Variants in MBNL1 observed in about 807,000 individuals in gnomAD.
MBNL1 encodes the protein muscleblind like splicing regulator 1, also known as muscleblind-like protein 1.
MBNL1 carries 8 observed loss-of-function variants against 42.2 expected under a neutral mutation model. The ratio of observed to expected loss-of-function variants is 0.19; its 90% confidence interval spans 0.11 to 0.34. The LOEUF (loss-of-function observed/expected upper bound fraction) is 0.34. Ranked by LOEUF, MBNL1 falls within the 10% of genes least tolerant of loss-of-function variation. MBNL1 has a pLI of 1.00. For synonymous variants in MBNL1, 169 were observed against 173.9 expected, an observed-to-expected ratio of 0.97 and a Z score of 0.22; for missense variants, 309 against 495.3, an observed-to-expected ratio of 0.62 and a Z score of 3.57.
chr3:152,286,124 T>A (rs2051567019), intron 1 of MBNL1, among the ~76,000 whole-genome samples: 1 of 150,614 alleles, frequency 6.6e-6, no homozygotes, highest in Non-Finnish European at 1.5e-5. Flanking sequence ...TTTTCCCCCA[T>A]TAACTTTAAC....
intron 1 of MBNL1, among the ~76,000 whole-genome samples, chr3:152,288,777 T>A (rs2054129244): frequency 6.6e-6 from 1 of 152,192 alleles, no homozygotes; most frequent in South Asian, 2.1e-4. Flanking sequence ...TTGTAAATAA[T>A]TACAAAATGC....
intron 2 of MBNL1, 27 bp downstream of exon 2, chr3:152,300,394 G>A (rs1444420287): frequency 1.3e-6 from 2 of 1,568,000 alleles, no homozygotes; most frequent in Non-Finnish European, 1.8e-6. Context: ...TTCTTTTAAG[G>A]ATATTCAATG....
chr3:152,433,960 A>G (rs2099044097), intron 4 of MBNL1, among the ~76,000 whole-genome samples: 1 of 152,202 alleles, frequency 6.6e-6, no homozygotes, highest in South Asian at 2.1e-4. Context: ...TCAAATGTAC[A>G]CTGAAGGTAC....
chr3:152,271,659 C>T (rs1000041164), intron 1 of MBNL1, among the ~76,000 whole-genome samples: 1 of 152,002 alleles, frequency 6.6e-6, no homozygotes, highest in Non-Finnish European at 1.5e-5. Flanking sequence ...ATATGAGAGT[C>T]AAAAGAGTGG....
At chr3:152,440,586 A>T (rs547260814) in intron 4 of MBNL1, among the ~76,000 whole-genome samples, 4 of 152,306 alleles carry the variant, frequency 2.6e-5, no homozygotes, top group Non-Finnish European at 4.4e-5. Context: ...GGAATTCAAG[A>T]TGAGGTTTGG....
intron 2 of MBNL1, among the ~76,000 whole-genome samples, chr3:152,312,968 A>C (rs2067801970): frequency 6.6e-6 from 1 of 152,226 alleles, no homozygotes; most frequent in Non-Finnish European, 1.5e-5. Flanking sequence ...AATTTTCATC[A>C]AACTAGGATC....
chr3:152,287,272 A>G (rs980829160), intron 1 of MBNL1, among the ~76,000 whole-genome samples: 5 of 152,170 alleles, frequency 3.3e-5, no homozygotes, highest in Admixed American at 6.5e-5. Context: ...GTGCAGTGGC[A>G]TGCATGATTT....
intron 2 of MBNL1, among the ~76,000 whole-genome samples, chr3:152,256,929 T>C (rs1249839857): frequency 6.6e-6 from 1 of 152,020 alleles, no homozygotes; most frequent in Non-Finnish European, 1.5e-5. Flanking sequence ...CCCAAGGCAG[T>C]TGGATGTGTT....
chr3:152,414,321 C>T (rs2098658261), intron 2 of MBNL1, among the ~76,000 whole-genome samples: 1 of 152,200 alleles, frequency 6.6e-6, no homozygotes, highest in Non-Finnish European at 1.5e-5. Flanking sequence ...TTAAAGGCCA[C>T]ATTTTTCACC....
At chr3:152,258,869 C>A (rs1264199072) in intron 2 of MBNL1, among the ~76,000 whole-genome samples, 1 of 152,162 alleles carries the variant, frequency 6.6e-6, no homozygotes, top group East Asian at 1.9e-4. Context: ...CCAAACATTC[C>A]CTTTCCCACA....
chr3:152,361,964 G>T lies in MBNL1; in HGVS notation c.175-52977G>T, dbSNP rs532660608. 9.8e-5 allele frequency among the ~76,000 whole-genome samples: 15 copies of T among 152,286 alleles called. No homozygotes were observed. The South Asian group carries it at 3.1e-3, about 32-fold the overall frequency. ...TTTAAAAATGTGTTGCTCTCAGCAAGGAGTTAGTAGTTTCTGCAGCTAATA... is the reference window on the plus strand; with the variant it reads ...TTTAAAAATGTGTTGCTCTCAGCAATGAGTTAGTAGTTTCTGCAGCTAATA... On this transcript the variant is annotated intron_variant, in intron 2 of 9. Coordinates refer to ENST00000324210, the MANE Select transcript of MBNL1 (RefSeq NM_021038.5).
At chr3:152,436,254 C>T (rs1383323739) in intron 4 of MBNL1, among the ~76,000 whole-genome samples, 1 of 152,104 alleles carries the variant, frequency 6.6e-6, no homozygotes, top group African/African-American at 2.4e-5. Flanking sequence ...ACACATGCAT[C>T]GCAGGTTTAA....
At chr3:152,455,717 T>A in intron 7 of MBNL1, 140 bp downstream of exon 7, 1 of 731,636 alleles carries the variant, frequency 1.4e-6, no homozygotes, top group Non-Finnish European at 2.4e-6. Context: ...TAAATGCCAT[T>A]TTCTGTTTAA....
chr3:152,310,815 C>T (rs534680900), intron 2 of MBNL1, among the ~76,000 whole-genome samples: 3 of 151,272 alleles, frequency 2.0e-5, no homozygotes, highest in East Asian at 1.9e-4. Flanking sequence ...GAATAATAGA[C>T]TGTTTGGGGG....
At chr3:152,252,143 C>CCTTA (rs1327945672) in intron 2 of MBNL1, among the ~76,000 whole-genome samples, 19 of 127,174 alleles carry the variant, frequency 1.5e-4, no homozygotes, top group Non-Finnish European at 1.7e-5. Flanking sequence ...TACCTTCCTT[C>CCTTA]CTTCCTTCCT....
intron 1 of MBNL1, among the ~76,000 whole-genome samples, chr3:152,290,379 G>GA (rs1244455228): frequency 6.6e-6 from 1 of 151,708 alleles, no homozygotes; most frequent in Non-Finnish European, 1.5e-5. Context: ...GCTAAAATAG[G>GA]AAAAAAATAG....
At chr3:152,430,423 A>T (rs1416818241) in intron 3 of MBNL1, among the ~76,000 whole-genome samples, 1 of 152,252 alleles carries the variant, frequency 6.6e-6, no homozygotes, top group Non-Finnish European at 1.5e-5. Flanking sequence ...AAGAGGAATG[A>T]TAATGAATAG....
intron 1 of MBNL1, among the ~76,000 whole-genome samples, chr3:152,270,136 T>C (rs1033852574): frequency 2.6e-5 from 4 of 152,068 alleles, no homozygotes; most frequent in Non-Finnish European, 5.9e-5. Flanking sequence ...GTTGGGATTC[T>C]GGGGTGTATT....
chr3:152,267,091 T>C (rs574789500), upstream of MBNL1: 2 of 152,352 alleles, frequency 1.3e-5, no homozygotes, highest in African/African-American at 2.4e-5. Context: ...CCTGCTCCTT[T>C]CGTTTTCTTT....
Sources: allele counts gnomAD v4.1 joint callset (sites outside exome capture counted in the v4.1 genomes callset), GRCh38; gene constraint gnomAD v4.1.1; transcripts MANE v1.5; gene names NCBI Gene and HGNC (gene_info 2026-07-23, HGNC 2026-07-21).